LRIG1: variants seen among roughly 807,000 people sequenced by gnomAD.
LRIG1 encodes the protein leucine rich repeats and immunoglobulin like domains 1, also known as leucine-rich repeats and immunoglobulin-like domains protein 1.
Under a neutral mutation model 99.2 loss-of-function variants are expected in LRIG1, and 48 were observed. That is an observed-to-expected ratio of 0.48 (90% CI 0.38 to 0.62). The LOEUF (loss-of-function observed/expected upper bound fraction) is 0.62, where lower values mean the gene tolerates loss of function less well. LRIG1 is among the 20% of genes least tolerant of loss of function. The pLI is 0.00. For missense variants in LRIG1, 1,646 were observed against 1,434.4 expected, an observed-to-expected ratio of 1.15 and a Z score of -2.38; for synonymous variants, 772 against 596.1, an observed-to-expected ratio of 1.29 and a Z score of -4.30.
chr3:66,483,849 G>T (rs995929623), intron 1 of LRIG1, among the ~76,000 whole-genome samples: 2 of 152,186 alleles, frequency 1.3e-5, no homozygotes, highest in Admixed American at 6.5e-5. Context: ...CCTGAGCCTG[G>T]CCCACCTGCC....
chr3:66,383,222 G>C lies in LRIG1; in HGVS notation c.2251C>G (p.Gln751Glu). Reference sequence around the variant, plus strand: ...CCCGCATCCTCTGCCACCACGTTCTGAACCACCAGGAGCTGGTTGTCAGGG... The same window carrying C: ...CCCGCATCCTCTGCCACCACGTTCTCAACCACCAGGAGCTGGTTGTCAGGG... ...LTPDNQLLVV[Q>E]NVVAEDAGRY... Residue 751 changes from glutamine (Q) to glutamate (E), a missense_variant, in exon 15 of 19, where the codon CAG becomes GAG. Gln to Glu is a conservative substitution (Grantham distance 29). Coordinates refer to ENST00000273261, the MANE Select transcript of LRIG1 (RefSeq NM_015541.3). 3.7e-6 allele frequency: 6 copies of C among 1,614,226 alleles called. No homozygotes were observed. The highest frequency in any genetic ancestry group is 5.1e-6 in the Non-Finnish European group (6 of 1,180,032).
At chr3:66,469,506 G>A (rs928030948) in intron 1 of LRIG1, among the ~76,000 whole-genome samples, 21 of 152,136 alleles carry the variant, frequency 1.4e-4, no homozygotes, top group African/African-American at 4.6e-4. Flanking sequence ...TCTAACGCCC[G>A]TGACGTTAAC....
chr3:66,490,563 A>T (rs2106922553), intron 1 of LRIG1, among the ~76,000 whole-genome samples: 1 of 152,180 alleles, frequency 6.6e-6, no homozygotes, highest in East Asian at 1.9e-4. Context: ...AAACCAGATG[A>T]AAGAATGGTG....
At chr3:66,413,857 C>T (rs1459037690) in intron 5 of LRIG1, among the ~76,000 whole-genome samples, 3 of 152,178 alleles carry the variant, frequency 2.0e-5, no homozygotes, top group Non-Finnish European at 4.4e-5. Flanking sequence ...GCCAGGCACA[C>T]CCCGTCGTGC....
At chr3:66,489,452 G>A (rs1293156101) in intron 1 of LRIG1, among the ~76,000 whole-genome samples, 2 of 152,048 alleles carry the variant, frequency 1.3e-5, no homozygotes, top group Admixed American at 1.3e-4. Context: ...AGCCTGGGAG[G>A]TCACGGCTAT....
At chr3:66,464,924 T>C (rs557980135) in intron 1 of LRIG1, among the ~76,000 whole-genome samples, 33 of 152,308 alleles carry the variant, frequency 2.2e-4, no homozygotes, top group Non-Finnish European at 4.4e-4. Context: ...TCCAGTACTA[T>C]CTAGAAGCCT....
At position 66,457,102 on chromosome 3, in the gene LRIG1, A is replaced by G. The variant is rs75850948; in HGVS notation, c.290+5336T>C. On this transcript the variant is annotated intron_variant, in intron 2 of 18. Coordinates refer to ENST00000273261, the MANE Select transcript of LRIG1 (RefSeq NM_015541.3). ...AGGCCTCCAGAATAAAACCACTGCT[A>G]AACCACTGCCTGCTGTTCTGCCAGC... Among the ~76,000 whole-genome samples, 22 of 152,254 alleles carry G rather than the reference A, an allele frequency of 1.4e-4. No individual in the cohort carries two copies. The East Asian group carries it at 3.9e-3, about 27-fold the overall frequency.
In LRIG1 at chr3:66,500,541, C is replaced by T. The variant is rs928170289; in HGVS notation, c.-134G>A. 1 of 437,856 alleles carries T rather than the reference C, an allele frequency of 2.3e-6. No homozygotes were observed. The highest frequency in any genetic ancestry group is 2.1e-5 in the African/African-American group (1 of 48,706). 27.1% of individuals were successfully genotyped at this position (437,856 alleles called of 1,614,324 possible). Reference sequence around the variant, plus strand: ...CGGGGCATGGCCCCCGCCCCAAGTTCTCTCTGCGGCCGCGGCTCCGGCACT... The same window carrying T: ...CGGGGCATGGCCCCCGCCCCAAGTTTTCTCTGCGGCCGCGGCTCCGGCACT... On this transcript the variant is annotated 5_prime_UTR_variant, in exon 1 of 19. Coordinates refer to ENST00000273261, the MANE Select transcript of LRIG1 (RefSeq NM_015541.3).
intron 1 of LRIG1, among the ~76,000 whole-genome samples, chr3:66,487,321 A>G (rs1289988576): frequency 6.6e-6 from 1 of 152,158 alleles, no homozygotes; most frequent in Admixed American, 6.5e-5. Context: ...CAGCACAAAG[A>G]AAATGGCCTT....
At chr3:66,391,308 C>G (rs1701608280) in intron 12 of LRIG1, among the ~76,000 whole-genome samples, 1 of 152,108 alleles carries the variant, frequency 6.6e-6, no homozygotes, top group African/African-American at 2.4e-5. Flanking sequence ...AATTCCATTC[C>G]TAGGTTTGTA....
At chr3:66,472,165 G>A (rs538040547) in intron 1 of LRIG1, among the ~76,000 whole-genome samples, 27 of 152,026 alleles carry the variant, frequency 1.8e-4, no homozygotes, top group African/African-American at 6.5e-4. Context: ...TTAGCCTGGC[G>A]TGGTGGTGGG....
At chr3:66,454,381 G>C (rs370451309) in intron 2 of LRIG1, among the ~76,000 whole-genome samples, 7 of 152,164 alleles carry the variant, frequency 4.6e-5, no homozygotes, top group Non-Finnish European at 8.8e-5. Context: ...AGCTTTGAGG[G>C]GAAAGGCACT....
At chr3:66,403,289 G>C (rs968406625) in intron 9 of LRIG1, among the ~76,000 whole-genome samples, 1 of 152,146 alleles carries the variant, frequency 6.6e-6, no homozygotes, top group Non-Finnish European at 1.5e-5. Flanking sequence ...AACCATGATA[G>C]CATCACACTT....
At chr3:66,403,828 A>C (rs971858398) in intron 9 of LRIG1, among the ~76,000 whole-genome samples, 12 of 152,128 alleles carry the variant, frequency 7.9e-5, no homozygotes, top group Non-Finnish European at 1.6e-4. Flanking sequence ...CTCACCCTTC[A>C]ATCGGTTATG....
In LRIG1 at chr3:66,378,906, A is replaced by G. The variant is rs1298395524; in HGVS notation, c.*1357T>C. 1.3e-5 allele frequency: 2 copies of G among 152,790 alleles called. No homozygotes were observed. Among genetic ancestry groups the G allele is most frequent in the East Asian group, 1.9e-4 (1 of 5,192 alleles). The allele number at this position is 152,790 out of a possible 1,614,324, so 9.5% of individuals were successfully genotyped here. ...ACTGTACCAAAATTTCTATAAATAA[A>G]TAACTTTGTACATAAAAGTAATACT... is the stretch of plus-strand genomic sequence containing the variant. On this transcript the variant is annotated 3_prime_UTR_variant, in exon 19 of 19. Transcript: ENST00000273261.
Position 66,384,275 on chromosome 3 carries a change from G to A in LRIG1, c.1790-3C>T, listed in dbSNP as rs749825892. The A allele has an allele frequency of 5.0e-6, 8 of 1,609,918 alleles. No individual in the cohort carries two copies. The highest frequency in any genetic ancestry group is 1.3e-5 in the African/African-American group (1 of 74,828). ...CGTTTTGGTGAATGATGGCAACACT[G>A]GAAAACATACGTATACAGGGTCGGG... On this transcript the variant is annotated splice_region_variant and splice_polypyrimidine_tract_variant and intron_variant, in intron 13 of 18. Coordinates refer to ENST00000273261, the MANE Select transcript of LRIG1 (RefSeq NM_015541.3).
chr3:66,417,035 G>A, intron 4 of LRIG1, 94 bp downstream of exon 4: 2 of 1,497,450 alleles, frequency 1.3e-6, no homozygotes, highest in Non-Finnish European at 1.8e-6. Flanking sequence ...AGGGAAGGAA[G>A]CATCCCTCCT....
chr3:66,383,515 C>CT, intron 14 of LRIG1, 114 bp from the exon 15 acceptor site: 1 of 952,804 alleles, frequency 1.0e-6, no homozygotes, highest in Non-Finnish European at 1.5e-6. Flanking sequence ...ATCTGAGATT[C>CT]TGTCTCAGAG....
chr3:66,418,823 C>T (rs572529894), intron 3 of LRIG1, among the ~76,000 whole-genome samples: 2 of 152,156 alleles, frequency 1.3e-5, no homozygotes, highest in African/African-American at 4.8e-5. Context: ...TTTTTTCATG[C>T]GTCTCCCAGG....
Sources: gnomAD v4.1 joint callset for allele counts (sites outside exome capture counted in the v4.1 genomes callset) on GRCh38, gnomAD v4.1.1 for gene constraint, MANE v1.5 for transcripts, NCBI Gene and HGNC (gene_info 2026-07-23, HGNC 2026-07-21) for gene names.